Variants in MGAT5 observed in about 807,000 individuals in gnomAD.
MGAT5 encodes the protein alpha-1,6-mannosylglycoprotein 6-beta-N-acetylglucosaminyltransferase, also known as alpha-1,6-mannosylglycoprotein 6-beta-N-acetylglucosaminyltransferase A.
In MGAT5, 30 loss-of-function variants were observed where a neutral mutation model predicts 94.3. The observed-to-expected ratio is 0.32, with a 90% CI of 0.24 to 0.43. The LOEUF is 0.43. Among genes scored for constraint, MGAT5 ranks in the 20% least tolerant of loss-of-function variants. The probability of loss-of-function intolerance (pLI) is 1.00; values close to 1 mark genes in which losing one functional copy is unlikely to be tolerated. For missense variants in MGAT5, 691 were observed against 905.5 expected (o/e 0.76, Z 3.04); for synonymous variants, 310 against 322.9 (o/e 0.96, Z 0.43).
At chr2:134,356,998 A>T (rs1243995983) in intron 9 of MGAT5, among the ~76,000 whole-genome samples, 1 of 151,456 alleles carries the variant, frequency 6.6e-6, no homozygotes, top group African/African-American at 2.4e-5. Context: ...ACTTATTTTT[A>T]TTTTCTTTTT....
At chr2:134,167,201 A>T (rs1688002434) in intron 1 of MGAT5, among the ~76,000 whole-genome samples, 1 of 152,186 alleles carries the variant, frequency 6.6e-6, no homozygotes, top group Non-Finnish European at 1.5e-5. Flanking sequence ...GGCGGGAGGG[A>T]AGGATCCTTA....
chr2:134,193,364 A>G (rs540082525), intron 1 of MGAT5, among the ~76,000 whole-genome samples: 10 of 152,002 alleles, frequency 6.6e-5, no homozygotes, highest in Middle Eastern at 3.2e-3. Context: ...CAGTCCTCCC[A>G]CTTCAGCCTC....
intron 9 of MGAT5, among the ~76,000 whole-genome samples, chr2:134,360,744 A>G (rs1385093853): frequency 6.6e-6 from 1 of 152,226 alleles, no homozygotes; most frequent in Non-Finnish European, 1.5e-5. Context: ...AAAAGCAACT[A>G]TCGCCTCTTG....
intron 10 of MGAT5, among the ~76,000 whole-genome samples, chr2:134,386,930 C>T (rs1289211476): frequency 6.6e-6 from 1 of 151,956 alleles, no homozygotes; most frequent in East Asian, 1.9e-4. Flanking sequence ...AAAATGTTAA[C>T]ACACTAAGAC....
rs368370604 is a variant in MGAT5, at chr2:134,128,824, G to A, written c.-143+8533G>A. ...GGCCTCAAGCGATCCTACTGCCTTA[G>A]TCTCTCAAAATGCCTTAGTCTCTCT... On this transcript the variant is annotated intron_variant, in intron 1 of 16. Transcript: ENST00000409645. Among the ~76,000 whole-genome samples the A allele has an allele frequency of 2.6e-4, 40 of 152,292 alleles. 1 individual carries two copies. The South Asian group carries it at 8.1e-3, about 31-fold the overall frequency.
upstream of MGAT5, among the ~76,000 whole-genome samples, chr2:134,249,660 G>C (rs1447518): frequency 6.6e-6 from 1 of 152,180 alleles, no homozygotes; most frequent in African/African-American, 2.4e-5. Flanking sequence ...ATGCACATTA[G>C]GCTGGTTTTA....
intron 10 of MGAT5, among the ~76,000 whole-genome samples, chr2:134,375,311 C>T (rs1291665931): frequency 6.6e-6 from 1 of 152,200 alleles, no homozygotes; most frequent in African/African-American, 2.4e-5. Flanking sequence ...AATGGATTCT[C>T]TCTTGGTAAT....
At chr2:134,303,094 G>A (rs540599712) in intron 2 of MGAT5, among the ~76,000 whole-genome samples, 1 of 152,200 alleles carries the variant, frequency 6.6e-6, no homozygotes, top group South Asian at 2.1e-4. Flanking sequence ...AGGTCATGGA[G>A]ACTCTATGTG....
intron 14 of MGAT5, among the ~76,000 whole-genome samples, chr2:134,432,298 A>G (rs1266684732): frequency 6.6e-6 from 1 of 152,206 alleles, no homozygotes; most frequent in Non-Finnish European, 1.5e-5. Context: ...GTTAATTTGT[A>G]AAGAGCTGTG....
chr2:134,267,386 ATG>A (rs1683781927), intron 1 of MGAT5, among the ~76,000 whole-genome samples: 1 of 152,248 alleles, frequency 6.6e-6, no homozygotes. Context: ...GTAGGATTAA[ATG>A]AATTAGTTCA....
At chr2:134,255,828 G>T (rs148304790) in intron 1 of MGAT5, among the ~76,000 whole-genome samples, 7 of 152,280 alleles carry the variant, frequency 4.6e-5, no homozygotes, top group African/African-American at 1.7e-4. Context: ...CCAAAAATGT[G>T]CAGCAACAGT....
At chr2:134,362,523 T>C (rs1680162918) in intron 10 of MGAT5, 115 bp downstream of exon 10, 2 of 1,276,550 alleles carry the variant, frequency 1.6e-6, no homozygotes, top group Non-Finnish European at 1.1e-6. Context: ...GGGATCTACT[T>C]AGACATAAAC....
At chr2:134,423,557 G>A (rs556736099) in intron 13 of MGAT5, among the ~76,000 whole-genome samples, 4 of 152,192 alleles carry the variant, frequency 2.6e-5, no homozygotes, top group East Asian at 3.9e-4. Context: ...CTCCCAACTC[G>A]GAGCCCACCG....
chr2:134,401,274 G>A (rs1287917013), intron 10 of MGAT5, among the ~76,000 whole-genome samples: 5 of 152,106 alleles, frequency 3.3e-5, no homozygotes, highest in Non-Finnish European at 2.9e-5. Flanking sequence ...TATCTGGCTC[G>A]TAATTGCCCA....
chr2:134,286,680 A>G (rs1330611917), intron 2 of MGAT5, among the ~76,000 whole-genome samples: 1 of 152,172 alleles, frequency 6.6e-6, no homozygotes, highest in East Asian at 1.9e-4. Context: ...TCGCCCTCCC[A>G]AAGTGCTGAG....
At chr2:134,349,531 C>T (rs927574458) in intron 8 of MGAT5, among the ~76,000 whole-genome samples, 3 of 152,106 alleles carry the variant, frequency 2.0e-5, no homozygotes, top group Non-Finnish European at 4.4e-5. Flanking sequence ...TTTCATAGAA[C>T]TTTTTATTTT....
intron 1 of MGAT5, among the ~76,000 whole-genome samples, chr2:134,217,409 T>C (rs1001553561): frequency 2.0e-5 from 3 of 152,236 alleles, no homozygotes; most frequent in Admixed American, 6.5e-5. Flanking sequence ...GTTTTCATTG[T>C]ATGTATGTGA....
intron 10 of MGAT5, among the ~76,000 whole-genome samples, chr2:134,388,854 C>T (rs549347451): frequency 6.6e-6 from 1 of 150,540 alleles, no homozygotes; most frequent in Admixed American, 6.6e-5. Flanking sequence ...CTCCACCTCC[C>T]GGTTCAAGCA....
intron 4 of MGAT5, among the ~76,000 whole-genome samples, chr2:134,330,863 G>T (rs1470320653): frequency 6.6e-6 from 1 of 151,890 alleles, no homozygotes. Flanking sequence ...CATTAATCAT[G>T]AAAGAAAAAG....
Sources: allele counts gnomAD v4.1 joint callset (sites outside exome capture counted in the v4.1 genomes callset), GRCh38; gene constraint gnomAD v4.1.1; transcripts MANE v1.5; gene names NCBI Gene and HGNC (gene_info 2026-07-23, HGNC 2026-07-21).